The following SDK1 variants were observed in gnomAD, a reference collection of about 807,000 sequenced individuals.
SDK1 encodes protein sidekick-1.
SDK1 carries 157 observed loss-of-function variants against 245.5 expected under a neutral mutation model. The ratio of observed to expected loss-of-function variants is 0.64; its 90% CI spans 0.56 to 0.73. The LOEUF (loss-of-function observed/expected upper bound fraction) is 0.73. Among genes scored for constraint, SDK1 ranks in the 30% least tolerant of loss-of-function variants. The probability of loss-of-function intolerance (pLI) is 0.00; values close to 1 mark genes in which losing one functional copy is unlikely to be tolerated. For missense variants in SDK1, 3,583 were observed against 3,002.3 expected (o/e 1.19, Z -4.52); for synonymous variants, 1,647 against 1,278.5 (o/e 1.29, Z -6.15).
chr7:4,049,292 C>A, intron 17 of SDK1, 56 bp from the exon 18 acceptor site: 1 of 1,361,602 alleles, frequency 7.3e-7, no homozygotes. Flanking sequence ...TGTCTCTCCA[C>A]CCCATGGTCC....
intron 1 of SDK1, among the ~76,000 whole-genome samples, chr7:3,501,120 GAA>G (rs1197533076): frequency 6.6e-6 from 1 of 152,136 alleles, no homozygotes; most frequent in African/African-American, 2.4e-5. Context: ...CTAAAACATT[GAA>G]AGTCTTGAGC....
intron 1 of SDK1, among the ~76,000 whole-genome samples, chr7:3,479,906 A>G (rs1261679742): frequency 6.6e-6 from 1 of 151,954 alleles, no homozygotes; most frequent in East Asian, 1.9e-4. Context: ...AGAGACCTCT[A>G]ATTTTCTCCT....
At chr7:4,258,628 T>A (rs1372274817) in intron 44 of SDK1, among the ~76,000 whole-genome samples, 1 of 152,234 alleles carries the variant, frequency 6.6e-6, no homozygotes, top group Non-Finnish European at 1.5e-5. Flanking sequence ...CCCCGGCCAG[T>A]ATGACCCTAA....
At chr7:3,884,465 T>C (rs1001259366) in intron 5 of SDK1, among the ~76,000 whole-genome samples, 4 of 152,230 alleles carry the variant, frequency 2.6e-5, no homozygotes, top group Non-Finnish European at 5.9e-5. Flanking sequence ...TGCCTCTTTC[T>C]ACCTCCTCAC....
intron 4 of SDK1, among the ~76,000 whole-genome samples, chr7:3,733,451 C>T (rs1360516538): frequency 2.0e-5 from 3 of 152,088 alleles, no homozygotes; most frequent in Non-Finnish European, 4.4e-5. Context: ...TTGCTTTAAC[C>T]GGATTCATAC....
At chr7:3,472,493 G>A (rs868495032) in intron 1 of SDK1, among the ~76,000 whole-genome samples, 1 of 152,112 alleles carries the variant, frequency 6.6e-6, no homozygotes, top group South Asian at 2.1e-4. Context: ...AATGTGTTAA[G>A]ATATGTTTTA....
intron 38 of SDK1, among the ~76,000 whole-genome samples, chr7:4,216,312 C>T (rs899689670): frequency 6.6e-6 from 1 of 152,182 alleles, no homozygotes; most frequent in Non-Finnish European, 1.5e-5. Context: ...ATCCAGCCCT[C>T]ACTGCCCTGC....
rs71029682 is a variant in SDK1, at chr7:3,582,683, T to TAAAAAAAAAAAAAA, written c.299-36384_299-36371dup. Among the ~76,000 whole-genome samples, 15 of 69,684 alleles carry TAAAAAAAAAAAAAA rather than the reference T, an allele frequency of 2.2e-4. 1 individual carries two copies. Among genetic ancestry groups the TAAAAAAAAAAAAAA allele is most frequent in the South Asian group, 7.2e-4 (1 of 1,386 alleles). The allele number at this position is 69,684 out of a possible 152,430, so 45.7% of individuals were successfully genotyped here. On this transcript the variant is annotated intron_variant, in intron 1 of 44. Coordinates refer to ENST00000404826, the MANE Select transcript of SDK1 (RefSeq NM_152744.4). ...ATGTAGCCCTGAACCTAAACTAAAGTAAAAAAAAAAAAAAAAAAAAAAAAA... is the reference window on the plus strand; with the variant it reads ...ATGTAGCCCTGAACCTAAACTAAAGTAAAAAAAAAAAAAAAAAAAAAAAAAAAAAAAAAAAAAAA...
At chr7:4,239,410 T>C (rs969760113) in intron 42 of SDK1, among the ~76,000 whole-genome samples, 1 of 152,248 alleles carries the variant, frequency 6.6e-6, no homozygotes, top group Non-Finnish European at 1.5e-5. Flanking sequence ...AGCATCATTC[T>C]GGACACTTAA....
At chr7:3,740,401 G>T (rs1038283101) in intron 4 of SDK1, among the ~76,000 whole-genome samples, 4 of 152,104 alleles carry the variant, frequency 2.6e-5, no homozygotes, top group Admixed American at 2.0e-4. Flanking sequence ...TTGCTTGTTA[G>T]CCCCAGTTCA....
intron 5 of SDK1, among the ~76,000 whole-genome samples, chr7:3,862,920 G>C (rs762928716): frequency 1.3e-5 from 2 of 152,154 alleles, no homozygotes; most frequent in Admixed American, 1.3e-4. Flanking sequence ...GTTCACAATA[G>C]GGTTTGTGCT....
At chr7:4,020,104 G>GT (rs1786765104) in intron 17 of SDK1, among the ~76,000 whole-genome samples, 1 of 152,140 alleles carries the variant, frequency 6.6e-6, no homozygotes. Flanking sequence ...TCTCAGGCTT[G>GT]TGACAGTCTC....
At chr7:4,062,296 G>A (rs1026740184) in intron 19 of SDK1, among the ~76,000 whole-genome samples, 3 of 151,990 alleles carry the variant, frequency 2.0e-5, no homozygotes, top group African/African-American at 7.2e-5. Context: ...TGATACCACA[G>A]AAATACAAAA....
intron 38 of SDK1, among the ~76,000 whole-genome samples, chr7:4,217,299 T>C (rs115523844): frequency 0.05 from 1,917 of 38,404 alleles, 94 homozygotes; most frequent in Non-Finnish European, 0.055. Flanking sequence ...CCACACTACC[T>C]GGAGAACCAG....
chr7:3,668,148 T>G (rs1378246575), intron 4 of SDK1, among the ~76,000 whole-genome samples: 1 of 152,218 alleles, frequency 6.6e-6, no homozygotes, highest in Non-Finnish European at 1.5e-5. Flanking sequence ...TATGTTTTAC[T>G]GCTTAATAAG....
intron 9 of SDK1, 42 bp from the exon 10 acceptor site, chr7:3,967,276 C>A: frequency 2.7e-6 from 4 of 1,501,460 alleles, no homozygotes; most frequent in South Asian, 2.3e-5. Flanking sequence ...GTGAGCCTCT[C>A]AGGAACAAGG....
chr7:4,031,199 C>A (rs1787795425), intron 17 of SDK1, among the ~76,000 whole-genome samples: 1 of 152,152 alleles, frequency 6.6e-6, no homozygotes, highest in East Asian at 1.9e-4. Context: ...ACACGTACAT[C>A]TGTACATCCT....
At chr7:3,479,250 C>T (rs1427347501) in intron 1 of SDK1, among the ~76,000 whole-genome samples, 1 of 150,428 alleles carries the variant, frequency 6.6e-6, no homozygotes, top group Non-Finnish European at 1.5e-5. Context: ...GGCAAAACCC[C>T]GTCTCTACCA....
At chr7:4,196,823 A>C (rs557730195) in intron 35 of SDK1, among the ~76,000 whole-genome samples, 1 of 152,332 alleles carries the variant, frequency 6.6e-6, no homozygotes, top group Non-Finnish European at 1.5e-5. Context: ...TACCTAGTGG[A>C]GAAGCATTCG....
Sources: allele counts gnomAD v4.1 joint callset (sites outside exome capture counted in the v4.1 genomes callset), GRCh38; gene constraint gnomAD v4.1.1; transcripts MANE v1.5; gene names NCBI Gene and HGNC (gene_info 2026-07-23, HGNC 2026-07-21).